Variants in NCAPD3 observed in about 807,000 individuals in gnomAD.
The protein encoded by NCAPD3 is non-SMC condensin II complex subunit D3, also known as condensin-2 complex subunit D3.
In NCAPD3, 105 loss-of-function variants were observed where a neutral mutation model predicts 182.9. The ratio of observed to expected loss-of-function variants is 0.57; its 90% CI spans 0.49 to 0.68. NCAPD3 has a LOEUF of 0.68. NCAPD3 is among the 30% of genes least tolerant of loss of function. NCAPD3 has a pLI of 0.00. For synonymous variants in NCAPD3, 815 were observed against 679.9 expected (o/e 1.20, Z -3.09); for missense variants, 1,944 against 1,837.0 (o/e 1.06, Z -1.07).
At chr11:134,161,731 G>T in intron 28 of NCAPD3, 50 bp downstream of exon 28, 1 of 1,108,112 alleles carries the variant, frequency 9.0e-7, no homozygotes, top group Non-Finnish European at 1.4e-6. Flanking sequence ...AAGATCCTAA[G>T]TAATGAACTG....
At chr11:134,184,519 G>A (rs1944357654) in intron 19 of NCAPD3, 118 bp downstream of exon 19, 3 of 670,672 alleles carry the variant, frequency 4.5e-6, no homozygotes, top group Non-Finnish European at 7.5e-6. Context: ...AATAGCTGCG[G>A]GGGACATCCT....
At position 134,152,103 on chromosome 11, in the gene NCAPD3, G is replaced by GCATT. The variant is rs1442649896; in HGVS notation, c.*837_*840dup. 6.6e-6 allele frequency: 1 copy of GCATT among 152,240 alleles called. No individual in the cohort carries two copies. The highest frequency in any genetic ancestry group is 6.5e-5 in the Admixed American group (1 of 15,286). 9.4% of individuals were successfully genotyped at this position (152,240 alleles called of 1,614,324 possible). On this transcript the variant is annotated 3_prime_UTR_variant, in exon 35 of 35. Coordinates refer to ENST00000534548, the MANE Select transcript of NCAPD3 (RefSeq NM_015261.3). ...TTCTGGATATTGTTGAACAAAAATA[G>GCATT]CATTCAGTTTACCCACTAGTGCTAA... is the stretch of plus-strand genomic sequence containing the variant.
intron 2 of NCAPD3, among the ~76,000 whole-genome samples, chr11:134,219,226 A>G (rs1343632976): frequency 6.6e-6 from 1 of 152,138 alleles, no homozygotes; most frequent in Non-Finnish European, 1.5e-5. Flanking sequence ...GCTGCTGGCC[A>G]CTTTCTTTCT....
Position 134,158,400 on chromosome 11 carries a change from A to T in NCAPD3, c.3963T>A (p.Ser1321Arg). The change falls in exon 30 of 35, where the codon AGT (serine) becomes AGA (arginine). Residue 1321 changes from serine (S) to arginine (R), a missense_variant. Ser to Arg is a moderately radical substitution (Grantham distance 110). Coordinates refer to ENST00000534548, the MANE Select transcript of NCAPD3 (RefSeq NM_015261.3). Reference sequence around the variant, plus strand: ...GAGATGATACTGCTACATGGCCAGCACTTGCCCTGGGTGTGCAGGGCTGGC... The same window carrying T: ...GAGATGATACTGCTACATGGCCAGCTCTTGCCCTGGGTGTGCAGGGCTGGC... ...AVSQPCTPRA[S>R]AGHVAVSSPT... The T allele has an allele frequency of 1.2e-6, 2 of 1,614,216 alleles. No homozygotes were observed. Among genetic ancestry groups the T allele is most frequent in the South Asian group, 1.1e-5 (1 of 91,086 alleles).
At chr11:134,181,655 C>CT (rs1046969939) in intron 19 of NCAPD3, among the ~76,000 whole-genome samples, 20 of 152,204 alleles carry the variant, frequency 1.3e-4, no homozygotes, top group Admixed American at 9.8e-4. Flanking sequence ...GTGTCTCTCA[C>CT]TGATTACAAT....
Position 134,152,946 on chromosome 11 carries a change from A to G in NCAPD3, c.4495T>C (p.Ter1499GlnextTer14). 1 of 1,547,966 alleles carries G rather than the reference A, an allele frequency of 6.5e-7. No individual in the cohort carries two copies. Among genetic ancestry groups the G allele is most frequent in the Non-Finnish European group, 8.7e-7 (1 of 1,148,094 alleles). ...LRKTPLKTAN[*>Q] is the part of the protein sequence containing the mutation. ...TGGACACTGGTGGGAGGCGCTGTTT[A>G]GTTGGCTGTTTTCAGAGGGGTCTTT... Residue 1499 changes from the stop codon to glutamine, a stop_lost, in exon 35 of 35, where the codon TAA becomes CAA. Coordinates refer to ENST00000534548, the MANE Select transcript of NCAPD3 (RefSeq NM_015261.3).
At chr11:134,205,078 C>T in intron 8 of NCAPD3, 107 bp from the exon 9 acceptor site, 1 of 802,526 alleles carries the variant, frequency 1.2e-6, no homozygotes, top group South Asian at 1.6e-5. Flanking sequence ...CACTCTACCT[C>T]ACGCTATAAG....
rs1298650920 is a variant in NCAPD3 at position 134,151,898 on chromosome 11, T to C, written c.*1046A>G. 1.3e-5 allele frequency: 2 copies of C among 152,270 alleles called. No individual in the cohort carries two copies. The highest frequency in any genetic ancestry group is 4.8e-5 in the African/African-American group (2 of 41,474). 9.4% of individuals were successfully genotyped at this position (152,270 alleles called of 1,614,324 possible). A position where few individuals can be genotyped will look rare whatever the true frequency, so the allele number is the denominator to read the frequency against. ...GTGCTGGGCAGGAGGTCAGCCTGTG[T>C]GCTCAAGAGCAGTGCTGCGCCTCTC... On this transcript the variant is annotated 3_prime_UTR_variant, in exon 35 of 35. Transcript: ENST00000534548.
intron 28 of NCAPD3, among the ~76,000 whole-genome samples, chr11:134,161,553 C>G (rs1943580106): frequency 6.6e-6 from 1 of 152,262 alleles, no homozygotes; most frequent in Non-Finnish European, 1.5e-5. Context: ...GTGCTTGGCA[C>G]AGTGGGCCGG....
chr11:134,177,563 T>A, intron 22 of NCAPD3, 106 bp from the exon 23 acceptor site: 1 of 935,664 alleles, frequency 1.1e-6, no homozygotes, highest in Non-Finnish European at 1.6e-6. Context: ...TCATCAAAGT[T>A]AAAACATCAT....
At chr11:134,207,187 T>C (rs917912769) in intron 7 of NCAPD3, among the ~76,000 whole-genome samples, 1 of 152,200 alleles carries the variant, frequency 6.6e-6, no homozygotes, top group African/African-American at 2.4e-5. Context: ...ATTCATCCAA[T>C]AAATAAAACA....
At chr11:134,225,236 C>T, upstream of NCAPD3, 2 of 1,614,144 alleles carry the variant, frequency 1.2e-6, no homozygotes, top group African/African-American at 1.3e-5. Context: ...AGAAATATTT[C>T]CTCTTCTACG....
intron 16 of NCAPD3, among the ~76,000 whole-genome samples, chr11:134,189,366 A>AACCTTTAGCT (rs1565542478): frequency 6.6e-6 from 1 of 152,138 alleles, no homozygotes; most frequent in Non-Finnish European, 1.5e-5. Flanking sequence ...TCTTAAATTG[A>AACCTTTAGCT]ACCTTTAGCT....
At chr11:134,210,955 G>T (rs1198596760) in intron 3 of NCAPD3, among the ~76,000 whole-genome samples, 1 of 152,214 alleles carries the variant, frequency 6.6e-6, no homozygotes, top group African/African-American at 2.4e-5. Context: ...AACCTACACA[G>T]AAAAAGAGTT....
intron 16 of NCAPD3, among the ~76,000 whole-genome samples, chr11:134,186,380 CTT>C (rs751442559): frequency 1.1e-4 from 16 of 152,002 alleles, no homozygotes; most frequent in Admixed American, 3.9e-4. Context: ...CTCTCTCTCT[CTT>C]TGTCTGTCTT....
chr11:134,209,707 C>A (rs1937756817), intron 4 of NCAPD3: 2 of 440,368 alleles, frequency 4.5e-6, no homozygotes, highest in Non-Finnish European at 8.0e-6. Context: ...AATGAGGAAT[C>A]CTTTTTTTCA....
rs1224407311 is a variant in NCAPD3 at position 134,196,160 on chromosome 11, TTAC to T, written c.1616-1425_1616-1423del. Among the ~76,000 whole-genome samples, 9 of 152,218 alleles carry T rather than the reference TTAC, an allele frequency of 5.9e-5. No individual in the cohort carries two copies. The East Asian group carries it at 1.5e-3, about 26-fold the overall frequency. The stretch of plus-strand genomic sequence containing the variant: ...TGCTAAAATCAAGAAAGGAGGGACA[TTAC>T]TACTATTAGCCTTACATAAATAAAA... On this transcript the variant is annotated intron_variant, in intron 13 of 34. Coordinates refer to ENST00000534548, the MANE Select transcript of NCAPD3 (RefSeq NM_015261.3).
chr11:134,167,397 T>C (rs1409086971), intron 27 of NCAPD3, among the ~76,000 whole-genome samples: 1 of 57,828 alleles, frequency 1.7e-5, no homozygotes. Context: ...TTAGGGGAGC[T>C]GCACACTCAC....
At chr11:134,212,759 T>C (rs1937883904) in intron 3 of NCAPD3, among the ~76,000 whole-genome samples, 2 of 152,044 alleles carry the variant, frequency 1.3e-5, no homozygotes, top group Admixed American at 1.3e-4. Context: ...TATCTGAAGA[T>C]AAACTGTGAG....
Sources: gnomAD v4.1 joint callset for allele counts (sites outside exome capture counted in the v4.1 genomes callset) on GRCh38, gnomAD v4.1.1 for gene constraint, MANE v1.5 for transcripts, NCBI Gene and HGNC (gene_info 2026-07-23, HGNC 2026-07-21) for gene names.